ASCC2: variants seen among roughly 807,000 people sequenced by gnomAD.
The protein encoded by ASCC2 is ASC-1 complex subunit P100.
In ASCC2, 42 loss-of-function variants were observed where a neutral mutation model predicts 93.5. That is an observed-to-expected ratio of 0.45 (90% CI 0.35 to 0.58). The LOEUF (loss-of-function observed/expected upper bound fraction) is 0.58, where lower values mean the gene tolerates loss of function less well. Ranked by LOEUF, ASCC2 falls within the 20% of genes least tolerant of loss-of-function variation. ASCC2 has a pLI of 0.00. For missense variants in ASCC2, 859 were observed against 977.6 expected (o/e 0.88, Z 1.62); for synonymous variants, 364 against 384.2 (o/e 0.95, Z 0.62).
At chr22:29,815,982 C>G (rs1330265653) in intron 6 of ASCC2, 24 bp downstream of exon 6, 1 of 1,563,570 alleles carries the variant, frequency 6.4e-7, no homozygotes, top group Non-Finnish European at 8.7e-7. Context: ...TCAACCTCCC[C>G]TGCGCAGGGC....
chr22:29,823,930 C>T (rs1032689091), intron 4 of ASCC2, among the ~76,000 whole-genome samples: 4 of 151,758 alleles, frequency 2.6e-5, no homozygotes, highest in African/African-American at 7.3e-5. Context: ...GTGGCTAGTG[C>T]CTATAATCCC....
chr22:29,827,183 TGTAA>T (rs1162899829), intron 2 of ASCC2, among the ~76,000 whole-genome samples: 2 of 152,066 alleles, frequency 1.3e-5, no homozygotes, highest in African/African-American at 2.4e-5. Flanking sequence ...TTTATTTTTT[TGTAA>T]GTAAGTCTCA....
intron 5 of ASCC2, among the ~76,000 whole-genome samples, chr22:29,818,084 A>G (rs1228963167): frequency 1.3e-5 from 2 of 151,028 alleles, no homozygotes; most frequent in East Asian, 1.9e-4. Context: ...CAGGAGGCCA[A>G]GGTGGGAGGA....
At chr22:29,824,580 A>G (rs1288562991) in intron 4 of ASCC2, among the ~76,000 whole-genome samples, 1 of 152,136 alleles carries the variant, frequency 6.6e-6, no homozygotes, top group Non-Finnish European at 1.5e-5. Flanking sequence ...ACGCCACTGC[A>G]CTCCAGCCTG....
rs765789288 is a variant in ASCC2, at chr22:29,804,797, T to C, written c.1194A>G (p.Ala398=). ...CCACCCCTTCCCATGCACTCTCGAC[T>C]GCCTGGAGGATGTAGGCAGTCCGCG... is the stretch of plus-strand genomic sequence containing the variant. The part of the protein sequence containing the change: ...DETRTAYILQ[A]VESAWEGVDR... Residue 398 remains alanine, a synonymous_variant, in exon 13 of 20, where the codon GCA becomes GCG. Transcript: ENST00000307790. 1 of 1,614,034 alleles carries C rather than the reference T, an allele frequency of 6.2e-7. No individual in the cohort carries two copies. Among genetic ancestry groups the C allele is most frequent in the Non-Finnish European group, 8.5e-7 (1 of 1,180,012 alleles).
intron 2 of ASCC2, among the ~76,000 whole-genome samples, chr22:29,830,563 C>A (rs1448895327): frequency 6.3e-5 from 2 of 31,928 alleles, no homozygotes; most frequent in Non-Finnish European, 1.1e-4. Context: ...TGCACGTACC[C>A]TCCCACCAGG....
At chr22:29,811,883 G>C (rs766177221) in intron 8 of ASCC2, among the ~76,000 whole-genome samples, 5 of 152,152 alleles carry the variant, frequency 3.3e-5, no homozygotes, top group Non-Finnish European at 5.9e-5. Context: ...GAAATTCTAA[G>C]AATAGTATGA....
Position 29,789,102 on chromosome 22 carries a change from T to G in ASCC2, c.2185A>C (p.Lys729Gln). 1 of 1,614,196 alleles carries G rather than the reference T, an allele frequency of 6.2e-7. No individual in the cohort carries two copies. Among genetic ancestry groups the G allele is most frequent in the Non-Finnish European group, 8.5e-7 (1 of 1,180,026 alleles). Residue 729 changes from lysine (K) to glutamine (Q), a missense_variant, in exon 20 of 20, where the codon AAG becomes CAG. Coordinates refer to ENST00000307790, the MANE Select transcript of ASCC2 (RefSeq NM_032204.5). ...CTTGTCGCCTTGTTGGCTTCCTTCT[T>G]CCTGCGTTCCTGGGTTGTCTCGCGG... ...QSRETTQERR[K>Q]KEANKATRAN... is the part of the protein sequence containing the mutation.
chr22:29,802,248 G>C, intron 13 of ASCC2, 40 bp from the exon 14 acceptor site: 1 of 1,603,558 alleles, frequency 6.2e-7, no homozygotes. Context: ...AAGGCTAAGT[G>C]GGCCGGTGAT....
At chr22:29,827,981 CCCTG>C (rs2062672371) in intron 2 of ASCC2, among the ~76,000 whole-genome samples, 2 of 146,338 alleles carry the variant, frequency 1.4e-5, no homozygotes, top group East Asian at 2.1e-4. Flanking sequence ...ACACACACAC[CCCTG>C]AGATTCTACT....
At chr22:29,808,031 T>A (rs189471670) in intron 9 of ASCC2, 80 bp downstream of exon 9, 4 of 1,433,776 alleles carry the variant, frequency 2.8e-6, no homozygotes, top group Non-Finnish European at 3.9e-6. Flanking sequence ...GAGATAGGGA[T>A]GCTAATGCCC....
chr22:29,827,552 C>A (rs1274790143), intron 2 of ASCC2: 1 of 470,834 alleles, frequency 2.1e-6, no homozygotes, highest in Admixed American at 2.4e-5. Context: ...GTCTGCAGGA[C>A]CCCCTCCCAT....
At chr22:29,832,163 G>C (rs1380868856) in intron 2 of ASCC2, 82 bp downstream of exon 2, 12 of 1,238,568 alleles carry the variant, frequency 9.7e-6, no homozygotes, top group Non-Finnish European at 1.2e-5. Flanking sequence ...TCTTGGAACA[G>C]ATAAAGACGG....
At chr22:29,837,156 C>G (rs536367793) in intron 1 of ASCC2, among the ~76,000 whole-genome samples, 1 of 151,922 alleles carries the variant, frequency 6.6e-6, no homozygotes, top group South Asian at 2.1e-4. Context: ...CAGGGCTGGG[C>G]GCGATGGCTC....
chr22:29,809,610 C>T (rs1440928487), intron 8 of ASCC2, among the ~76,000 whole-genome samples: 2 of 151,884 alleles, frequency 1.3e-5, no homozygotes, highest in Non-Finnish European at 1.5e-5. Flanking sequence ...GAAACTCTGT[C>T]TCCACTAAAA....
chr22:29,793,901 G>GT lies in ASCC2; in HGVS notation c.1689-226dup, dbSNP rs1266418835. 9.1e-3 allele frequency among the ~76,000 whole-genome samples: 1,268 copies of GT among 140,082 alleles called. 7 individuals are homozygous for GT. The highest frequency in any genetic ancestry group is 0.02 in the African/African-American group (784 of 38,416). 91.9% of individuals were successfully genotyped at this position (140,082 alleles called of 152,430 possible). On this transcript the variant is annotated intron_variant, in intron 15 of 19. Coordinates refer to ENST00000307790, the MANE Select transcript of ASCC2 (RefSeq NM_032204.5). ...TTTAGAGGGCATCCCAAGAGCCACTGTTTTTTTTTTTTTTTGAGAGGAAGT... is the reference window on the plus strand; with the variant it reads ...TTTAGAGGGCATCCCAAGAGCCACTGTTTTTTTTTTTTTTTTGAGAGGAAGT...
At position 29,790,465 on chromosome 22, in the gene ASCC2, T is replaced by C; in HGVS notation, c.2102+4A>G. On this transcript the variant is annotated splice_donor_region_variant and intron_variant, in intron 19 of 19. Transcript: ENST00000307790. ...CCCCCAGAAGCAGCCCCTTGAATGC[T>C]CACCCTTTCTTGGCGAGAAAGGCCA... is the stretch of plus-strand genomic sequence containing the variant. 6.2e-7 allele frequency: 1 copy of C among 1,614,034 alleles called. No homozygotes were observed. Among genetic ancestry groups the C allele is most frequent in the Non-Finnish European group, 8.5e-7 (1 of 1,179,980 alleles).
rs1437164015 is a variant in ASCC2 at position 29,806,853 on chromosome 22, C to T, written c.960G>A (p.Met320Ile). The change falls in exon 10 of 20, where the codon ATG becomes ATA. Residue 320 changes from methionine (M) to isoleucine (I), a missense_variant. Met to Ile is a conservative substitution (Grantham distance 10). Coordinates refer to ENST00000307790, the MANE Select transcript of ASCC2 (RefSeq NM_032204.5). ...GGTTCAGGATGATGTGGAAAATCTC[C>T]ATTAGCTTCTTCCTGGAATGGGAGA... ...QRLSHSRKKL[M>I]EIFHIILNQI... The T allele has an allele frequency of 6.2e-7, 1 of 1,614,070 alleles. No homozygotes were observed. The highest frequency in any genetic ancestry group is 2.2e-5 in the East Asian group (1 of 44,884).
Position 29,822,325 on chromosome 22 carries a change from T to C in ASCC2, c.541+10A>G, listed in dbSNP as rs765891397. On this transcript the variant is annotated intron_variant, in intron 5 of 19. Coordinates refer to ENST00000307790, the MANE Select transcript of ASCC2 (RefSeq NM_032204.5). ...CTTGGTGCATCCTCCCAGTCCTGCATCCTACACACCTATCATCTTCTGGAG... is the reference window on the plus strand; with the variant it reads ...CTTGGTGCATCCTCCCAGTCCTGCACCCTACACACCTATCATCTTCTGGAG... 3.1e-6 allele frequency: 5 copies of C among 1,613,788 alleles called. No individual in the cohort carries two copies. In the Admixed American group the frequency reaches 8.3e-5, roughly 27 times the overall value.
Sources: gnomAD v4.1 joint callset for allele counts (sites outside exome capture counted in the v4.1 genomes callset) on GRCh38, gnomAD v4.1.1 for gene constraint, MANE v1.5 for transcripts, NCBI Gene and HGNC (gene_info 2026-07-23, HGNC 2026-07-21) for gene names.